Variants in RPTOR observed in about 807,000 individuals in gnomAD.
The protein encoded by RPTOR is regulatory-associated protein of mTOR.
In RPTOR, 21 loss-of-function variants were observed where a neutral mutation model predicts 169.9. The observed-to-expected ratio is 0.12, with a 90% confidence interval of 0.09 to 0.18. The LOEUF is 0.18. RPTOR is among the 10% of genes least tolerant of loss of function. The probability of loss-of-function intolerance (pLI) is 1.00; values close to 1 mark genes in which losing one functional copy is unlikely to be tolerated. For missense variants in RPTOR, 1,133 were observed against 1,855.9 expected (o/e 0.61, Z 7.16); for synonymous variants, 732 against 753.2 (o/e 0.97, Z 0.46).
chr17:80,634,144 CGTGTGCGTACTGTGTGT>C (rs1486684924), intron 2 of RPTOR, among the ~76,000 whole-genome samples: 24 of 110,082 alleles, frequency 2.2e-4, no homozygotes, highest in African/African-American at 1.1e-3. Flanking sequence ...ATACTGTGTG[CGTGTGCGTACTGTGTGT>C]GTGTGCATAC....
intron 10 of RPTOR, among the ~76,000 whole-genome samples, chr17:80,841,766 C>A (rs371693317): frequency 7.0e-3 from 317 of 45,448 alleles, no homozygotes; most frequent in East Asian, 0.017. Context: ...GCTCACTCTC[C>A]CCGCACGGCA....
rs1224978000 is a variant in RPTOR at position 80,860,430 on chromosome 17, C to T, written c.1509+2530C>T. Among the ~76,000 whole-genome samples the T allele has an allele frequency of 6.6e-6, 1 of 152,110 alleles. No homozygotes were observed. Among genetic ancestry groups the T allele is most frequent in the Non-Finnish European group, 1.5e-5 (1 of 68,010 alleles). On this transcript the variant is annotated intron_variant, in intron 13 of 33. Coordinates refer to ENST00000306801, the MANE Select transcript of RPTOR (RefSeq NM_020761.3). This position sits in a 1 kb window ranked among gnomAD's most constrained non-coding sequence, Gnocchi z 5.8. ...CCCACAGCCGCTGCTGATTCAAGTC[C>T]AGCCCAGGCCATCAGGTCCCCAACT...
At chr17:80,582,807 G>A (rs1203537397) in intron 1 of RPTOR, among the ~76,000 whole-genome samples, 2 of 152,004 alleles carry the variant, frequency 1.3e-5, no homozygotes, top group Non-Finnish European at 2.9e-5. Context: ...GCCTCCCAAA[G>A]TGCTGGGATT....
chr17:80,567,217 T>C (rs1367376644), intron 1 of RPTOR, among the ~76,000 whole-genome samples: 3 of 152,038 alleles, frequency 2.0e-5, no homozygotes, highest in African/African-American at 7.2e-5. Flanking sequence ...GTGATCCACC[T>C]GCCTCAGCCT....
chr17:80,572,560 C>G (rs2064918615), intron 1 of RPTOR, among the ~76,000 whole-genome samples: 2 of 151,880 alleles, frequency 1.3e-5, no homozygotes, highest in African/African-American at 2.4e-5. Flanking sequence ...CTCTCAAAAA[C>G]AAACAAACAA....
At chr17:80,677,109 T>C (rs1454937400) in intron 3 of RPTOR, among the ~76,000 whole-genome samples, 1 of 152,216 alleles carries the variant, frequency 6.6e-6, no homozygotes, top group Non-Finnish European at 1.5e-5. Context: ...GTTCTTTTGG[T>C]TGTTTATTGT....
chr17:80,694,656 G>C (rs985521861), intron 3 of RPTOR, among the ~76,000 whole-genome samples: 2 of 152,202 alleles, frequency 1.3e-5, no homozygotes, highest in African/African-American at 4.8e-5. Context: ...GATCACGGCT[G>C]GTGGTAGCTC....
chr17:80,876,121 T>TCC (rs1567962266), intron 13 of RPTOR, among the ~76,000 whole-genome samples: 4 of 44,836 alleles, frequency 8.9e-5, no homozygotes, highest in African/African-American at 2.5e-4. Context: ...GAGCCCGTGC[T>TCC]GCCCAGGATG....
chr17:80,736,425 A>C (rs1214791803), intron 5 of RPTOR, among the ~76,000 whole-genome samples: 1 of 152,086 alleles, frequency 6.6e-6, no homozygotes, highest in African/African-American at 2.4e-5. Context: ...GGCTGCAGTG[A>C]CTTAACCGCC....
intron 3 of RPTOR, among the ~76,000 whole-genome samples, chr17:80,668,232 A>G (rs1276921257): frequency 6.6e-6 from 1 of 152,172 alleles, no homozygotes; most frequent in East Asian, 1.9e-4. Flanking sequence ...CTTGTCAAGG[A>G]GGGTGGCTAC....
chr17:80,909,186 G>T (rs1463098310), intron 21 of RPTOR, among the ~76,000 whole-genome samples: 7 of 152,090 alleles, frequency 4.6e-5, no homozygotes, highest in Admixed American at 4.6e-4. Flanking sequence ...TATCTTTCAG[G>T]ATCCTCTGGT....
intron 3 of RPTOR, among the ~76,000 whole-genome samples, chr17:80,652,644 T>A (rs2065650013): frequency 6.6e-6 from 1 of 152,222 alleles, no homozygotes; most frequent in African/African-American, 2.4e-5. Flanking sequence ...ATTTCTATTT[T>A]ATGGGTTCAT....
intron 3 of RPTOR, among the ~76,000 whole-genome samples, chr17:80,667,727 C>T (rs532436159): frequency 6.6e-6 from 1 of 152,250 alleles, no homozygotes; most frequent in South Asian, 2.1e-4. Context: ...AATATGGAGG[C>T]TCCTTCATTT....
intron 11 of RPTOR, among the ~76,000 whole-genome samples, chr17:80,853,109 C>T (rs1179928834): frequency 2.0e-5 from 3 of 152,174 alleles, no homozygotes; most frequent in Admixed American, 2.0e-4. Flanking sequence ...CCAGGCCTGT[C>T]CCCAAAGCGA....
At chr17:80,681,617 TCTCTTACACCTTCATGAGGTGTAC>T (rs2065898793) in intron 3 of RPTOR, among the ~76,000 whole-genome samples, 2 of 147,066 alleles carry the variant, frequency 1.4e-5, no homozygotes, top group Non-Finnish European at 1.5e-5. Context: ...GAGGTGTACG[TCTCTTACACCTTCATGAGGTGTAC>T]GTCTCTTACA....
intron 21 of RPTOR, among the ~76,000 whole-genome samples, chr17:80,917,394 G>A (rs554181004): frequency 3.3e-5 from 5 of 152,240 alleles, no homozygotes; most frequent in African/African-American, 7.2e-5. Flanking sequence ...GATTACAGGC[G>A]TGAGCCACTG....
At position 80,823,347 on chromosome 17, in the gene RPTOR, T is replaced by A; in HGVS notation, c.1136+124T>A. On this transcript the variant is annotated intron_variant, in intron 9 of 33. Transcript: ENST00000306801. This position sits in a 1 kb window ranked among gnomAD's most constrained non-coding sequence, Gnocchi z 4.5. ...CTAACTTGGGGACCCCGTGTAGCAT[T>A]AACAAGTGAAGCTAAATGCAGGGCT... 2 of 1,243,634 alleles carry A rather than the reference T, an allele frequency of 1.6e-6. No homozygotes were observed. Among genetic ancestry groups the A allele is most frequent in the Non-Finnish European group, 2.2e-6 (2 of 900,968 alleles). The allele number at this position is 1,243,634 out of a possible 1,614,324, so 77.0% of individuals were successfully genotyped here.
chr17:80,619,408 A>G (rs1297408236), intron 1 of RPTOR, among the ~76,000 whole-genome samples: 1 of 152,170 alleles, frequency 6.6e-6, no homozygotes, highest in Non-Finnish European at 1.5e-5. Flanking sequence ...TTTTAAATAT[A>G]TATGATTTTA....
intron 1 of RPTOR, among the ~76,000 whole-genome samples, chr17:80,550,607 G>A (rs9911978): frequency 0.62 from 93,933 of 152,012 alleles, 29,806 homozygotes; most frequent in Middle Eastern, 0.71. Context: ...CTCCATCACC[G>A]CTTGCCACAA....
Sources: gnomAD v4.1 joint callset for allele counts (sites outside exome capture counted in the v4.1 genomes callset) on GRCh38, gnomAD v4.1.1 for gene constraint, Gnocchi (gnomAD v3.1) non-coding constraint, MANE v1.5 for transcripts, NCBI Gene and HGNC (gene_info 2026-07-23, HGNC 2026-07-21) for gene names.